The following COL26A1 variants were observed in gnomAD, a reference collection of about 807,000 sequenced individuals.
COL26A1 encodes collagen alpha-1(XXVI) chain.
COL26A1 carries 41 observed loss-of-function variants against 59.3 expected under a neutral mutation model. The observed-to-expected ratio is 0.69, with a 90% CI of 0.54 to 0.90. COL26A1 has a LOEUF of 0.90. Ranked by LOEUF, COL26A1 falls within the 40% of genes least tolerant of loss-of-function variation. The pLI, the probability that COL26A1 is intolerant of heterozygous loss-of-function variation, is 0.00. For synonymous variants in COL26A1, 266 were observed against 256.0 expected (o/e 1.04, Z -0.37); for missense variants, 612 against 602.3 (o/e 1.02, Z -0.17).
At chr7:101,433,198 C>A (rs1792823455) in intron 2 of COL26A1, among the ~76,000 whole-genome samples, 1 of 152,078 alleles carries the variant, frequency 6.6e-6, no homozygotes, top group South Asian at 2.1e-4. Context: ...GTGGTGGCCA[C>A]CTGTAATCCA....
intron 2 of COL26A1, among the ~76,000 whole-genome samples, chr7:101,438,459 G>C (rs762011098): frequency 6.6e-6 from 1 of 151,512 alleles, no homozygotes; most frequent in Admixed American, 6.6e-5. Flanking sequence ...GGAAAGATGG[G>C]GTATATGCAG....
intron 3 of COL26A1, among the ~76,000 whole-genome samples, chr7:101,489,680 C>CCTTT (rs1415814209): frequency 8.0e-4 from 17 of 21,362 alleles, no homozygotes; most frequent in East Asian, 7.0e-3. Context: ...TTCCTTCCTT[C>CCTTT]CTTTCTTTCT....
chr7:101,472,632 C>T (rs28570275), intron 3 of COL26A1, among the ~76,000 whole-genome samples: 11,909 of 152,132 alleles, frequency 0.078, 696 homozygotes, highest in East Asian at 0.3. Context: ...CATTGCGCCT[C>T]GGGAAAATGC....
intron 2 of COL26A1, among the ~76,000 whole-genome samples, chr7:101,425,887 C>T (rs935018525): frequency 6.7e-5 from 10 of 148,390 alleles, no homozygotes; most frequent in South Asian, 2.1e-4. Flanking sequence ...AGTGCGGTGG[C>T]GTGATCTCAG....
At chr7:101,544,143 G>T in intron 6 of COL26A1, 47 bp downstream of exon 6, 3 of 1,456,990 alleles carry the variant, frequency 2.1e-6, no homozygotes, top group Non-Finnish European at 2.8e-6. Flanking sequence ...TGCGGAAGGG[G>T]CTGGGCTTTC....
intron 1 of COL26A1, among the ~76,000 whole-genome samples, chr7:101,386,515 G>T (rs1214271759): frequency 6.6e-6 from 1 of 152,148 alleles, no homozygotes; most frequent in African/African-American, 2.4e-5. Flanking sequence ...CTTTGTTCTC[G>T]TTTCACGCAC....
intron 3 of COL26A1, among the ~76,000 whole-genome samples, chr7:101,524,845 G>A (rs993433995): frequency 2.6e-5 from 4 of 152,138 alleles, no homozygotes; most frequent in African/African-American, 9.7e-5. Flanking sequence ...TTGCTGGGGG[G>A]AAGATGCTTT....
intron 1 of COL26A1, among the ~76,000 whole-genome samples, chr7:101,406,552 G>A (rs1792133785): frequency 6.6e-6 from 1 of 152,156 alleles, no homozygotes; most frequent in Non-Finnish European, 1.5e-5. Flanking sequence ...CACCTTCATG[G>A]ACTGTCCATT....
intron 3 of COL26A1, among the ~76,000 whole-genome samples, chr7:101,525,745 C>G (rs909003377): frequency 2.6e-5 from 4 of 152,180 alleles, no homozygotes; most frequent in Admixed American, 1.3e-4. Context: ...ATCCGCCCAC[C>G]TTGGCCTCCC....
chr7:101,512,999 A>T (rs943116092), intron 3 of COL26A1, among the ~76,000 whole-genome samples: 1 of 103,590 alleles, frequency 9.7e-6, no homozygotes, highest in Non-Finnish European at 1.9e-5. Flanking sequence ...TTACAATTTT[A>T]TTATTATTAT....
intron 3 of COL26A1, among the ~76,000 whole-genome samples, chr7:101,483,493 GC>G (rs1249128567): frequency 6.6e-6 from 1 of 151,816 alleles, no homozygotes; most frequent in African/African-American, 2.4e-5. Flanking sequence ...ACTGTGCCCA[GC>G]CTTTTTAATT....
chr7:101,413,075 G>A (rs955524711), intron 1 of COL26A1, among the ~76,000 whole-genome samples: 2 of 152,132 alleles, frequency 1.3e-5, no homozygotes, highest in African/African-American at 4.8e-5. Flanking sequence ...TCTATTAACC[G>A]CCAATTAAGG....
At chr7:101,373,172 G>T (rs1427983848) in intron 1 of COL26A1, among the ~76,000 whole-genome samples, 8 of 152,182 alleles carry the variant, frequency 5.3e-5, no homozygotes, top group Non-Finnish European at 8.8e-5. Flanking sequence ...AGGGAGGCCA[G>T]TTAGGAGGTA....
intron 2 of COL26A1, among the ~76,000 whole-genome samples, chr7:101,435,718 G>T (rs1792898877): frequency 1.3e-5 from 2 of 152,200 alleles, no homozygotes; most frequent in South Asian, 4.1e-4. Context: ...ACAAGTCCCA[G>T]GGACTCGGGG....
chr7:101,369,142 C>CA (rs1294064808), intron 1 of COL26A1, among the ~76,000 whole-genome samples: 4 of 152,186 alleles, frequency 2.6e-5, no homozygotes, highest in African/African-American at 7.2e-5. Flanking sequence ...CATGATGACT[C>CA]ACGCCTGTCA....
In COL26A1 at chr7:101,557,701, G is replaced by A. The variant is rs1185389163; in HGVS notation, c.*171G>A. ...AATGTCTCCAGGGGCAGGGTCTGGA[G>A]GGGCCAACACCCTCATCAGAGCCCT... On this transcript the variant is annotated 3_prime_UTR_variant, in exon 13 of 13. Transcript: ENST00000313669. 6.1e-6 allele frequency: 4 copies of A among 660,670 alleles called. No homozygotes were observed. Among genetic ancestry groups the A allele is most frequent in the Non-Finnish European group, 9.9e-6 (4 of 404,022 alleles). 40.9% of individuals were successfully genotyped at this position (660,670 alleles called of 1,614,324 possible). A position where few individuals can be genotyped will look rare whatever the true frequency, so the allele number is the denominator to read the frequency against.
At chr7:101,428,166 C>T (rs918509580) in intron 2 of COL26A1, among the ~76,000 whole-genome samples, 15 of 151,798 alleles carry the variant, frequency 9.9e-5, no homozygotes, top group Admixed American at 6.6e-5. Flanking sequence ...AATGACAGCC[C>T]GGGCAACATA....
chr7:101,545,554 C>T, intron 7 of COL26A1, 64 bp downstream of exon 7: 2 of 1,513,898 alleles, frequency 1.3e-6, no homozygotes, highest in African/African-American at 1.4e-5. Flanking sequence ...GAGGGATCAG[C>T]CTTCCTTAAA....
intron 10 of COL26A1, 80 bp downstream of exon 10, chr7:101,551,223 G>A: frequency 9.5e-7 from 1 of 1,049,924 alleles, no homozygotes; most frequent in Admixed American, 2.2e-5. Flanking sequence ...TGGGTGGCGG[G>A]GGTTGGTGGG....
Sources: gnomAD v4.1 joint callset for allele counts (sites outside exome capture counted in the v4.1 genomes callset) on GRCh38, gnomAD v4.1.1 for gene constraint, MANE v1.5 for transcripts, NCBI Gene and HGNC (gene_info 2026-07-23, HGNC 2026-07-21) for gene names.